REPS2: variants seen among roughly 807,000 people sequenced by gnomAD.
The protein encoded by REPS2 is ralBP1-associated Eps domain-containing protein 2.
In REPS2, 23 loss-of-function variants were observed where a neutral mutation model predicts 53.6. The observed-to-expected ratio is 0.43, with a 90% CI of 0.31 to 0.61. The LOEUF (loss-of-function observed/expected upper bound fraction) is 0.61. Ranked by LOEUF, REPS2 falls within the 20% of genes least tolerant of loss-of-function variation. The pLI, the probability that REPS2 is intolerant of heterozygous loss-of-function variation, is 0.11. For synonymous variants in REPS2, 238 were observed against 218.6 expected (o/e 1.09, Z -0.78); for missense variants, 446 against 534.9 (o/e 0.83, Z 1.64).
chrX:16,997,936 G>A (rs763283262), intron 1 of REPS2, among the ~76,000 whole-genome samples: 5 of 111,623 alleles, frequency 4.5e-5, no homozygotes, highest in African/African-American at 1.6e-4. Flanking sequence ...CTAGCACTTC[G>A]GGAGGCCAAG....
chrX:17,177,262 G>C, the REPS2 span, among the ~76,000 whole-genome samples: 1 of 112,244 alleles, frequency 8.9e-6, no homozygotes, highest in South Asian at 3.7e-4. Flanking sequence ...CCCTTTCCCA[G>C]GTGAAAGTGC....
intron 1 of REPS2, among the ~76,000 whole-genome samples, chrX:16,962,866 A>G (rs978726542): frequency 3.6e-5 from 4 of 112,392 alleles, no homozygotes; most frequent in Non-Finnish European, 7.5e-5. Context: ...AGGCTGAGGC[A>G]GGAGGATTGC....
intron 13 of REPS2, among the ~76,000 whole-genome samples, chrX:17,091,848 A>C (rs185882680): frequency 3.6e-5 from 4 of 112,166 alleles, no homozygotes; most frequent in African/African-American, 1.3e-4. Flanking sequence ...TGTTACAAAG[A>C]AATAGCCATT....
At chrX:17,187,627 C>T in the REPS2 span, among the ~76,000 whole-genome samples, 5 of 112,097 alleles carry the variant, frequency 4.5e-5, no homozygotes, top group South Asian at 3.7e-4. Flanking sequence ...ACATAGGATA[C>T]GACAGAAGCT....
intron 1 of REPS2, among the ~76,000 whole-genome samples, chrX:17,002,602 G>A (rs377710024): frequency 3.3e-4 from 37 of 112,448 alleles, no homozygotes; most frequent in African/African-American, 1.1e-3. Context: ...TGCGTGTTCA[G>A]CTGTTCCCTG....
At chrX:16,995,205 C>T (rs897783536) in intron 1 of REPS2, among the ~76,000 whole-genome samples, 1 of 112,282 alleles carries the variant, frequency 8.9e-6, no homozygotes, top group Admixed American at 9.4e-5. Flanking sequence ...TGGGGCCTAA[C>T]TTGCATCTGT....
chrX:16,979,092 A>G (rs1006123321), intron 1 of REPS2, among the ~76,000 whole-genome samples: 2 of 112,178 alleles, frequency 1.8e-5, no homozygotes, highest in African/African-American at 6.5e-5. Flanking sequence ...ACAAAATGCT[A>G]AAGTTAACAA....
intron 12 of REPS2, among the ~76,000 whole-genome samples, chrX:17,076,390 G>A (rs906413191): frequency 1.8e-5 from 2 of 111,307 alleles, no homozygotes; most frequent in African/African-American, 3.3e-5. Context: ...CGTGATCATC[G>A]TATTGGGAAC....
At chrX:16,973,899 A>G (rs192438358) in intron 1 of REPS2, among the ~76,000 whole-genome samples, 54 of 111,276 alleles carry the variant, frequency 4.9e-4, no homozygotes, top group African/African-American at 1.7e-3. Context: ...TAAACTTAAT[A>G]TATTTATTTG....
chrX:17,096,398 G>A (rs1029098932), intron 13 of REPS2, among the ~76,000 whole-genome samples: 3 of 110,844 alleles, frequency 2.7e-5, no homozygotes, highest in East Asian at 2.8e-4. Flanking sequence ...GGTGGCTCAC[G>A]CCTGTAATCC....
At chrX:16,972,072 G>T (rs2060901819) in intron 1 of REPS2, among the ~76,000 whole-genome samples, 1 of 112,117 alleles carries the variant, frequency 8.9e-6, no homozygotes, top group Non-Finnish European at 1.9e-5. Flanking sequence ...GGGGGAGTGA[G>T]AGAGGCAGTA....
At chrX:17,125,594 G>A (rs1396310200) in intron 14 of REPS2, among the ~76,000 whole-genome samples, 1 of 112,644 alleles carries the variant, frequency 8.9e-6, no homozygotes, top group East Asian at 2.8e-4. Context: ...TTATATTTGG[G>A]AGCCACTGGG....
At chrX:17,051,553 A>G (rs1010014276) in intron 6 of REPS2, among the ~76,000 whole-genome samples, 2 of 112,422 alleles carry the variant, frequency 1.8e-5, no homozygotes, top group Admixed American at 1.9e-4. Context: ...TAATTCCATT[A>G]TATCAGTACA....
rs755958354 is a variant in REPS2, at chrX:17,100,090, C to T, written c.1517-3628C>T. 5 of 1,037,175 alleles carry T rather than the reference C, an allele frequency of 4.8e-6. No homozygotes were observed. In the African/African-American group the frequency reaches 9.3e-5, roughly 19 times the overall value. 85.5% of individuals were successfully genotyped at this position (1,037,175 alleles called of 1,213,427 possible). A position where few individuals can be genotyped will look rare whatever the true frequency, so the allele number is the denominator to read the frequency against. On this transcript the variant is annotated intron_variant, in intron 13 of 17. Transcript: ENST00000357277. ...TTGTGCTTGCCTCCCTCTGATTTGT[C>T]TATCTCATGTGCTGTTTTCTGTGAC... is the stretch of plus-strand genomic sequence containing the variant.
intron 5 of REPS2, among the ~76,000 whole-genome samples, chrX:17,034,406 C>T (rs1391884296): frequency 9.0e-6 from 1 of 111,373 alleles, no homozygotes; most frequent in Non-Finnish European, 1.9e-5. Context: ...AAGCGATTCT[C>T]CTGCCTCAGC....
chrX:17,026,195 C>A (rs1016844418), intron 4 of REPS2, among the ~76,000 whole-genome samples: 1 of 111,662 alleles, frequency 9.0e-6, no homozygotes, highest in African/African-American at 3.3e-5. Flanking sequence ...CTCTGAACCA[C>A]GATTACCTCT....
chrX:17,089,800 G>T (rs2062591060), intron 13 of REPS2, among the ~76,000 whole-genome samples: 1 of 111,836 alleles, frequency 8.9e-6, no homozygotes, highest in Admixed American at 9.4e-5. Context: ...CATTTGAGTT[G>T]TTTCTGCTTT....
chrX:16,991,657 A>C (rs941820390), intron 1 of REPS2, among the ~76,000 whole-genome samples: 3 of 110,643 alleles, frequency 2.7e-5, no homozygotes, highest in African/African-American at 9.9e-5. Context: ...GTGGGCTCCT[A>C]ATCCAATATG....
chrX:17,156,622 C>T (rs936704392), downstream of REPS2, among the ~76,000 whole-genome samples: 3 of 110,840 alleles, frequency 2.7e-5, no homozygotes, highest in African/African-American at 9.8e-5. Context: ...TATTCTTGTA[C>T]CTGGGGTGGA....
Sources: gnomAD v4.1 joint callset for allele counts (sites outside exome capture counted in the v4.1 genomes callset) on GRCh38, gnomAD v4.1.1 for gene constraint, MANE v1.5 for transcripts, NCBI Gene and HGNC (gene_info 2026-07-23, HGNC 2026-07-21) for gene names.